The following LOC128125817 variants were observed in gnomAD, a reference collection of about 807,000 sequenced individuals.
chr1:41,597,123 G>T, the LOC128125817 span, among the ~76,000 whole-genome samples: 1 of 151,964 alleles, frequency 6.6e-6, no homozygotes, highest in African/African-American at 2.4e-5. Context: ...TGGAATTTCT[G>T]CACACTGGTC....
the LOC128125817 span, among the ~76,000 whole-genome samples, chr1:41,597,765 G>A: frequency 1.3e-5 from 2 of 152,200 alleles, no homozygotes; most frequent in Non-Finnish European, 2.9e-5. Flanking sequence ...TAAGGGCTAA[G>A]CTTGTTAACC....
At chr1:41,593,137 C>T in the LOC128125817 span, among the ~76,000 whole-genome samples, 19 of 152,312 alleles carry the variant, frequency 1.2e-4, no homozygotes, top group African/African-American at 4.1e-4. Context: ...TTCTTTTAAA[C>T]GAAAATTCTT....
chr1:41,602,154 G>C, the LOC128125817 span, among the ~76,000 whole-genome samples: 1 of 151,930 alleles, frequency 6.6e-6, no homozygotes, highest in African/African-American at 2.4e-5. Context: ...CTAGTATTTT[G>C]TTGAGGATTT....
the LOC128125817 span, among the ~76,000 whole-genome samples, chr1:41,628,295 G>A: frequency 6.6e-6 from 1 of 152,200 alleles, no homozygotes; most frequent in African/African-American, 2.4e-5. Flanking sequence ...AACTCCCGTG[G>A]TGCTCCTCTG....
At chr1:41,624,606 T>C in the LOC128125817 span, among the ~76,000 whole-genome samples, 2 of 152,232 alleles carry the variant, frequency 1.3e-5, no homozygotes, top group African/African-American at 4.8e-5. Flanking sequence ...TACAAGCAAG[T>C]ACACTCTGAA....
At chr1:41,608,020 T>C in the LOC128125817 span, among the ~76,000 whole-genome samples, 1 of 152,140 alleles carries the variant, frequency 6.6e-6, no homozygotes, top group African/African-American at 2.4e-5. Context: ...GCTAGGAGGG[T>C]GAGGCAGTGT....
At chr1:41,627,668 G>A in the LOC128125817 span, among the ~76,000 whole-genome samples, 1 of 152,254 alleles carries the variant, frequency 6.6e-6, no homozygotes, top group South Asian at 2.1e-4. Context: ...TCAGAGAAGC[G>A]AAAGAGTCAC....
the LOC128125817 span, among the ~76,000 whole-genome samples, chr1:41,605,635 G>C: frequency 6.6e-6 from 1 of 152,134 alleles, no homozygotes; most frequent in Non-Finnish European, 1.5e-5. Flanking sequence ...GACTCCTGGG[G>C]GTGGGGAGGG....
At chr1:41,615,784 C>CGAT in the LOC128125817 span, among the ~76,000 whole-genome samples, 1 of 126,094 alleles carries the variant, frequency 7.9e-6, no homozygotes, top group African/African-American at 3.1e-5. Flanking sequence ...ATTGTGGAAG[C>CGAT]GATGCAGGGC....
the LOC128125817 span, among the ~76,000 whole-genome samples, chr1:41,597,485 C>T: frequency 2.6e-5 from 4 of 152,164 alleles, no homozygotes; most frequent in South Asian, 2.1e-4. Context: ...TAGTATGTTA[C>T]GCAAATTCAC....
the LOC128125817 span, among the ~76,000 whole-genome samples, chr1:41,605,654 C>T: frequency 6.6e-6 from 1 of 151,954 alleles, no homozygotes; most frequent in Non-Finnish European, 1.5e-5. Context: ...GGACGGCTCA[C>T]CAGCGTAGGC....
At chr1:41,619,479 G>A in the LOC128125817 span, among the ~76,000 whole-genome samples, 1 of 152,186 alleles carries the variant, frequency 6.6e-6, no homozygotes, top group East Asian at 1.9e-4. Context: ...CGATATGTTT[G>A]TCTATTTCCC....
chr1:41,597,021 G>A, the LOC128125817 span, among the ~76,000 whole-genome samples: 5 of 152,104 alleles, frequency 3.3e-5, no homozygotes, highest in African/African-American at 1.2e-4. Context: ...CTGTCTGGGA[G>A]GCTCTTAAAT....
At chr1:41,598,824 T>TATTTATTTATTTATTC in the LOC128125817 span, among the ~76,000 whole-genome samples, 1 of 150,374 alleles carries the variant, frequency 6.7e-6, no homozygotes, top group African/African-American at 2.4e-5. Flanking sequence ...TTTATTTATT[T>TATTTATTTATTTATTC]ATTTATTTAG....
At chr1:41,592,369 C>A in the LOC128125817 span, among the ~76,000 whole-genome samples, 1 of 152,178 alleles carries the variant, frequency 6.6e-6, no homozygotes, top group Non-Finnish European at 1.5e-5. Context: ...TCCTTTCTGA[C>A]AATTTTGGAT....
At chr1:41,596,413 T>C in the LOC128125817 span, among the ~76,000 whole-genome samples, 14,228 of 152,202 alleles carry the variant, frequency 0.093, 723 homozygotes, top group Middle Eastern at 0.18. Flanking sequence ...AAGAGGTTTT[T>C]TGCTAATCCA....
chr1:41,589,451 G>A, the LOC128125817 span, among the ~76,000 whole-genome samples: 7 of 152,322 alleles, frequency 4.6e-5, no homozygotes, highest in Middle Eastern at 3.4e-3. Flanking sequence ...CAGGGGAGTG[G>A]GAAGTAATGG....
At chr1:41,616,914 C>T in the LOC128125817 span, among the ~76,000 whole-genome samples, 2 of 152,194 alleles carry the variant, frequency 1.3e-5, no homozygotes, top group East Asian at 1.9e-4. Flanking sequence ...AGTTACTGCT[C>T]CTAACAAGCT....
the LOC128125817 span, among the ~76,000 whole-genome samples, chr1:41,609,273 G>C: frequency 6.6e-6 from 1 of 152,206 alleles, no homozygotes; most frequent in South Asian, 2.1e-4. Flanking sequence ...GCCCTTAGGG[G>C]GAACACTTCT....
Sources: allele counts gnomAD v4.1 joint callset (sites outside exome capture counted in the v4.1 genomes callset), GRCh38; gene constraint gnomAD v4.1.1; transcripts MANE v1.5.